The following GRIP1 variants were observed in gnomAD, a reference collection of about 807,000 sequenced individuals.
The protein encoded by GRIP1 is glutamate receptor-interacting protein 1.
Under a neutral mutation model 129.9 loss-of-function variants are expected in GRIP1, and 45 were observed. That is an observed-to-expected ratio of 0.35 (90% CI 0.27 to 0.44). GRIP1 has a LOEUF of 0.44. Among genes scored for constraint, GRIP1 ranks in the 20% least tolerant of loss-of-function variants. GRIP1 has a pLI of 1.00. For missense variants in GRIP1, 1,196 were observed against 1,396.8 expected (o/e 0.86, Z 2.29); for synonymous variants, 530 against 520.8 (o/e 1.02, Z -0.24).
chr12:66,897,381 CAG>C (rs1394085514), intron 1 of GRIP1, among the ~76,000 whole-genome samples: 1 of 152,218 alleles, frequency 6.6e-6, no homozygotes, highest in Non-Finnish European at 1.5e-5. Context: ...GAGCAACTTT[CAG>C]AGTTTCTGCC....
intron 1 of GRIP1, among the ~76,000 whole-genome samples, chr12:66,831,181 T>C (rs1012358908): frequency 2.6e-5 from 4 of 151,936 alleles, no homozygotes; most frequent in African/African-American, 7.3e-5. Flanking sequence ...AAACTATTGC[T>C]CAAAAAAAGT....
At chr12:67,008,212 G>A (rs1033250438) in intron 1 of GRIP1, among the ~76,000 whole-genome samples, 3 of 152,182 alleles carry the variant, frequency 2.0e-5, no homozygotes, top group East Asian at 1.9e-4. Flanking sequence ...GGAGATGCGA[G>A]GAAAAGGGGG....
intron 1 of GRIP1, among the ~76,000 whole-genome samples, chr12:66,929,991 T>A (rs2041361523): frequency 6.6e-6 from 1 of 152,126 alleles, no homozygotes; most frequent in South Asian, 2.1e-4. Flanking sequence ...TTTGCTTGGC[T>A]TATTTTTTCC....
chr12:66,385,109 T>A (rs2056296928), intron 19 of GRIP1, among the ~76,000 whole-genome samples: 1 of 152,222 alleles, frequency 6.6e-6, no homozygotes, highest in African/African-American at 2.4e-5. Flanking sequence ...ATAATGAAAT[T>A]TTTTTTGTTG....
chr12:66,723,155 T>C (rs1313021805), intron 1 of GRIP1, among the ~76,000 whole-genome samples: 1 of 150,742 alleles, frequency 6.6e-6, no homozygotes, highest in Non-Finnish European at 1.5e-5. Flanking sequence ...AAAAAATCAG[T>C]TGCATTTATA....
At chr12:67,038,253 T>A (rs2135801491) in intron 1 of GRIP1, among the ~76,000 whole-genome samples, 1 of 152,324 alleles carries the variant, frequency 6.6e-6, no homozygotes, top group South Asian at 2.1e-4. Context: ...AATAAGGACG[T>A]GGACAGGATC....
chr12:66,762,528 TA>T, intron 1 of GRIP1, among the ~76,000 whole-genome samples: 1 of 152,360 alleles, frequency 6.6e-6, no homozygotes, highest in East Asian at 1.9e-4. Flanking sequence ...TACAACTTCA[TA>T]TATGCTGTAT....
intron 1 of GRIP1, among the ~76,000 whole-genome samples, chr12:66,948,778 A>T (rs2041710142): frequency 6.6e-6 from 1 of 152,186 alleles, no homozygotes; most frequent in South Asian, 2.1e-4. Context: ...CCCTATAGAG[A>T]TTCTATCTTT....
chr12:66,990,268 CTA>C, intron 1 of GRIP1, among the ~76,000 whole-genome samples: 1 of 152,180 alleles, frequency 6.6e-6, no homozygotes, highest in East Asian at 1.9e-4. Flanking sequence ...GAGTTTGGTT[CTA>C]TGTTTTAGAA....
At chr12:66,976,626 T>C (rs866473519) in intron 1 of GRIP1, among the ~76,000 whole-genome samples, 54 of 151,348 alleles carry the variant, frequency 3.6e-4, no homozygotes, top group African/African-American at 1.2e-3. Flanking sequence ...ATGAGTGATA[T>C]TTAAAGCAAA....
At chr12:66,654,191 A>T (rs1331280217) in intron 1 of GRIP1, among the ~76,000 whole-genome samples, 4 of 152,196 alleles carry the variant, frequency 2.6e-5, no homozygotes, top group Non-Finnish European at 4.4e-5. Context: ...AACTACAAAA[A>T]ATTTGGACAA....
chr12:66,431,610 G>T, intron 14 of GRIP1, among the ~76,000 whole-genome samples: 1 of 152,196 alleles, frequency 6.6e-6, no homozygotes, highest in East Asian at 1.9e-4. Flanking sequence ...AGAGTGCAGT[G>T]AGGCACTTTT....
intron 5 of GRIP1, among the ~76,000 whole-genome samples, chr12:66,522,395 G>A (rs185820935): frequency 2.8e-3 from 421 of 151,806 alleles, no homozygotes; most frequent in East Asian, 5.2e-3. Flanking sequence ...GCTGTTCTGC[G>A]GCCACCGCTG....
intron 14 of GRIP1, among the ~76,000 whole-genome samples, chr12:66,424,517 A>G (rs2057917614): frequency 1.3e-5 from 2 of 152,140 alleles, no homozygotes; most frequent in Non-Finnish European, 2.9e-5. Context: ...ATGAAGAGTT[A>G]GTTTCTCCCA....
intron 7 of GRIP1, among the ~76,000 whole-genome samples, chr12:66,501,774 T>C (rs1438565440): frequency 3.3e-5 from 5 of 152,202 alleles, no homozygotes; most frequent in South Asian, 2.1e-4. Flanking sequence ...AGAAGTCCCA[T>C]ATATAATCTG....
chr12:67,067,812 C>A (rs934093302), intron 1 of GRIP1, among the ~76,000 whole-genome samples: 1 of 152,138 alleles, frequency 6.6e-6, no homozygotes, highest in African/African-American at 2.4e-5. Context: ...CTGCATTAAG[C>A]CCCCTTGACA....
chr12:66,361,203 A>C (rs1405101846), intron 23 of GRIP1, among the ~76,000 whole-genome samples: 1 of 152,174 alleles, frequency 6.6e-6, no homozygotes, highest in East Asian at 1.9e-4. Context: ...ATTGGGTCAG[A>C]AGGCAGCTGC....
intron 5 of GRIP1, 87 bp downstream of exon 5, chr12:66,529,744 A>T: frequency 1.2e-6 from 1 of 820,742 alleles, no homozygotes; most frequent in East Asian, 2.4e-5. Flanking sequence ...TAACTTATTC[A>T]TGTAACCAAA....
intron 1 of GRIP1, among the ~76,000 whole-genome samples, chr12:66,643,986 C>T (rs1227193215): frequency 5.3e-5 from 8 of 152,226 alleles, no homozygotes; most frequent in African/African-American, 1.2e-4. Flanking sequence ...ATTGGACTTA[C>T]GGTCCCATAT....
Sources: gnomAD v4.1 joint callset for allele counts (sites outside exome capture counted in the v4.1 genomes callset) on GRCh38, gnomAD v4.1.1 for gene constraint, MANE v1.5 for transcripts, NCBI Gene and HGNC (gene_info 2026-07-23, HGNC 2026-07-21) for gene names.